PTPRD: variants seen among roughly 807,000 people sequenced by gnomAD.
PTPRD encodes the protein receptor-type tyrosine-protein phosphatase delta.
In PTPRD, 34 loss-of-function variants were observed where a neutral mutation model predicts 214.5. The ratio of observed to expected loss-of-function variants is 0.16; its 90% confidence interval spans 0.12 to 0.21. The LOEUF is 0.21. PTPRD is among the 10% of genes least tolerant of loss of function. PTPRD has a pLI of 1.00. For synonymous variants in PTPRD, 1,128 were observed against 845.7 expected, an observed-to-expected ratio of 1.33 and a Z score of -5.79; for missense variants, 2,545 against 2,398.7, an observed-to-expected ratio of 1.06 and a Z score of -1.27.
intron 3 of PTPRD, among the ~76,000 whole-genome samples, chr9:10,322,836 A>T (rs910795712): frequency 3.3e-5 from 5 of 152,012 alleles, no homozygotes; most frequent in African/African-American, 1.2e-4. Context: ...AAGTGCCAAC[A>T]TGTCATCAGG....
intron 5 of PTPRD, among the ~76,000 whole-genome samples, chr9:9,846,349 C>G (rs1408442560): frequency 6.6e-6 from 1 of 152,002 alleles, no homozygotes; most frequent in Non-Finnish European, 1.5e-5. Flanking sequence ...TATCCAAAGT[C>G]TAGGTAAGAA....
chr9:8,577,969 T>G (rs1030731300), intron 14 of PTPRD, among the ~76,000 whole-genome samples: 3 of 152,200 alleles, frequency 2.0e-5, no homozygotes, highest in African/African-American at 4.8e-5. Flanking sequence ...GAGAAGGACT[T>G]TGATGGTTTT....
chr9:8,782,185 T>C (rs936683850), intron 11 of PTPRD, among the ~76,000 whole-genome samples: 4 of 151,360 alleles, frequency 2.6e-5, no homozygotes, highest in African/African-American at 9.7e-5. Flanking sequence ...AAATTGCATA[T>C]GTGTACATAT....
chr9:8,492,800 C>A (rs1258480116), intron 27 of PTPRD, 62 bp downstream of exon 27: 1 of 1,228,858 alleles, frequency 8.1e-7, no homozygotes, highest in African/African-American at 1.5e-5. Flanking sequence ...CTAGAAGCTA[C>A]CTATACCATT....
intron 9 of PTPRD, among the ~76,000 whole-genome samples, chr9:9,196,643 T>C (rs2099938810): frequency 6.6e-6 from 1 of 152,222 alleles, no homozygotes; most frequent in African/African-American, 2.4e-5. Context: ...TAGTACTTAA[T>C]TCAGAGGGTT....
chr9:8,473,257 TACAA>T (rs2096692752), intron 30 of PTPRD, among the ~76,000 whole-genome samples: 1 of 152,152 alleles, frequency 6.6e-6, no homozygotes, highest in Admixed American at 6.5e-5. Context: ...TTTTCTTTAC[TACAA>T]ACAATCATAA....
At chr9:10,136,802 C>T (rs557833555) in intron 3 of PTPRD, among the ~76,000 whole-genome samples, 2 of 57,772 alleles carry the variant, frequency 3.5e-5, no homozygotes, top group Non-Finnish European at 6.3e-5. Context: ...ACCTACTCAT[C>T]TGACAAAGGG....
intron 2 of PTPRD, among the ~76,000 whole-genome samples, chr9:10,569,006 T>C (rs1241015766): frequency 6.6e-6 from 1 of 151,306 alleles, no homozygotes; most frequent in African/African-American, 2.4e-5. Flanking sequence ...TGGGAGAAAA[T>C]TTTTACAACC....
intron 39 of PTPRD, 137 bp from the exon 40 acceptor site, chr9:8,342,115 T>A: frequency 1.1e-6 from 1 of 896,652 alleles, no homozygotes; most frequent in Non-Finnish European, 1.6e-6. Context: ...GATGACTTTG[T>A]AATACTCTAA....
chr9:9,813,366 A>G (rs1019451181), intron 5 of PTPRD, among the ~76,000 whole-genome samples: 2 of 130,884 alleles, frequency 1.5e-5, no homozygotes, highest in Non-Finnish European at 3.1e-5. Flanking sequence ...TTTCTAAAGA[A>G]AAACAAAATT....
Position 8,728,737 on chromosome 9 carries a change from T to G in PTPRD, c.64+5043A>C, listed in dbSNP as rs1308239461. ...GCTCACACCTGTAATACCAGCACTT[T>G]AGGAGGCTGAGGCAAGTGGATGATT... On this transcript the variant is annotated intron_variant, in intron 12 of 45. Coordinates refer to ENST00000381196, the MANE Select transcript of PTPRD (RefSeq NM_002839.4). Among the ~76,000 whole-genome samples, 5 of 152,294 alleles carry G rather than the reference T, an allele frequency of 3.3e-5. No homozygotes were observed. The East Asian group carries it at 9.7e-4, about 30-fold the overall frequency.
intron 7 of PTPRD, among the ~76,000 whole-genome samples, chr9:9,632,061 C>T (rs1289321481): frequency 2.0e-5 from 3 of 152,114 alleles, no homozygotes; most frequent in Non-Finnish European, 4.4e-5. Context: ...AATAGCATGA[C>T]AGAAAAGAGT....
chr9:8,388,421 C>T (rs1022743551), intron 37 of PTPRD, among the ~76,000 whole-genome samples: 1 of 152,138 alleles, frequency 6.6e-6, no homozygotes, highest in Admixed American at 6.5e-5. Context: ...AAAGTATCTG[C>T]TGTCTTCAAT....
intron 3 of PTPRD, among the ~76,000 whole-genome samples, chr9:10,303,245 G>A (rs2095925637): frequency 1.3e-5 from 2 of 152,138 alleles, no homozygotes; most frequent in Admixed American, 1.3e-4. Flanking sequence ...CAGAATCTCT[G>A]GGACACATTT....
intron 27 of PTPRD, among the ~76,000 whole-genome samples, chr9:8,490,098 C>A (rs2097119943): frequency 6.6e-6 from 1 of 152,250 alleles, no homozygotes; most frequent in Non-Finnish European, 1.5e-5. Context: ...CACTCCAGCA[C>A]TGGAGCTTGA....
At chr9:9,912,257 C>T (rs2153830702) in intron 5 of PTPRD, among the ~76,000 whole-genome samples, 1 of 152,178 alleles carries the variant, frequency 6.6e-6, no homozygotes, top group East Asian at 1.9e-4. Context: ...AAACCTGCCA[C>T]TTCAGTTGAA....
chr9:10,068,777 G>T (rs769855368), intron 3 of PTPRD, among the ~76,000 whole-genome samples: 4 of 151,912 alleles, frequency 2.6e-5, no homozygotes, highest in African/African-American at 4.8e-5. Context: ...AGAGTGGAAT[G>T]CCAAGAAGAA....
At chr9:8,469,856 T>A (rs1452554293) in intron 31 of PTPRD, among the ~76,000 whole-genome samples, 2 of 152,058 alleles carry the variant, frequency 1.3e-5, no homozygotes, top group African/African-American at 4.8e-5. Context: ...TGATCATAAA[T>A]CCCGCTTCTA....
At chr9:9,906,085 GC>G (rs1310032381) in intron 5 of PTPRD, among the ~76,000 whole-genome samples, 3 of 151,964 alleles carry the variant, frequency 2.0e-5, no homozygotes, top group Non-Finnish European at 4.4e-5. Context: ...CAGGATGCCT[GC>G]GAGGCAAACT....
Sources: gnomAD v4.1 joint callset for allele counts (sites outside exome capture counted in the v4.1 genomes callset) on GRCh38, gnomAD v4.1.1 for gene constraint, MANE v1.5 for transcripts, NCBI Gene and HGNC (gene_info 2026-07-23, HGNC 2026-07-21) for gene names.